Variants in DPP10 observed in about 807,000 individuals in gnomAD.
DPP10 encodes inactive dipeptidyl peptidase 10.
In DPP10, 33 loss-of-function variants were observed where a neutral mutation model predicts 120.9. That is an observed-to-expected ratio of 0.27 (90% CI 0.21 to 0.37). DPP10 has a LOEUF of 0.37. Among genes scored for constraint, DPP10 ranks in the 10% least tolerant of loss-of-function variants. The probability of loss-of-function intolerance (pLI) is 1.00; values close to 1 mark genes in which losing one functional copy is unlikely to be tolerated. For synonymous variants in DPP10, 337 were observed against 326.1 expected, an observed-to-expected ratio of 1.03 and a Z score of -0.36; for missense variants, 816 against 942.8, an observed-to-expected ratio of 0.87 and a Z score of 1.76.
intron 1 of DPP10, among the ~76,000 whole-genome samples, chr2:114,593,116 T>C (rs1361065821): frequency 6.6e-6 from 1 of 152,184 alleles, no homozygotes; most frequent in Non-Finnish European, 1.5e-5. Flanking sequence ...CCCAACTTCA[T>C]TCCCCAAACC....
At chr2:114,463,582 A>T (rs1679106874) in intron 1 of DPP10, among the ~76,000 whole-genome samples, 1 of 152,304 alleles carries the variant, frequency 6.6e-6, no homozygotes, top group African/African-American at 2.4e-5. Flanking sequence ...TATGTTATAT[A>T]CTTAGCATAC....
chr2:115,218,589 G>A (rs2056961720), intron 1 of DPP10, among the ~76,000 whole-genome samples: 1 of 152,076 alleles, frequency 6.6e-6, no homozygotes. Context: ...TTCCATTCCA[G>A]TTCATTGCAT....
At chr2:114,987,915 T>G (rs893324603) in intron 1 of DPP10, among the ~76,000 whole-genome samples, 2 of 151,352 alleles carry the variant, frequency 1.3e-5, no homozygotes, top group Non-Finnish European at 2.9e-5. Context: ...ACCATTCTCC[T>G]GCCTCAGTCT....
intron 3 of DPP10, among the ~76,000 whole-genome samples, chr2:115,400,820 C>T (rs748907136): frequency 6.6e-6 from 1 of 152,160 alleles, no homozygotes; most frequent in South Asian, 2.1e-4. Flanking sequence ...CATCTTCACT[C>T]CCCACGTCAA....
chr2:115,495,545 AT>A (rs2076352008), intron 3 of DPP10, among the ~76,000 whole-genome samples: 1 of 152,096 alleles, frequency 6.6e-6, no homozygotes, highest in South Asian at 2.1e-4. Context: ...TGAGAACTAA[AT>A]TAACAATGGA....
intron 3 of DPP10, among the ~76,000 whole-genome samples, chr2:115,347,671 C>G (rs938924047): frequency 6.6e-6 from 1 of 151,932 alleles, no homozygotes; most frequent in Non-Finnish European, 1.5e-5. Flanking sequence ...TGTGATATTC[C>G]CCTCCCTGTG....
intron 1 of DPP10, among the ~76,000 whole-genome samples, chr2:114,995,900 A>C (rs1458051102): frequency 6.6e-6 from 1 of 152,240 alleles, no homozygotes; most frequent in Admixed American, 6.5e-5. Context: ...ATAAATTTGC[A>C]AGATCGGCAG....
At position 115,791,141 on chromosome 2, in the gene DPP10, G is replaced by A. The variant is rs1387126117; in HGVS notation, c.1592G>A (p.Gly531Glu). The change falls in exon 18 of 26, where the codon GGA becomes GAA. Residue 531 changes from glycine to glutamate, a missense_variant. Around this residue, in one of 3 missense-constraint regions of DPP10, gnomAD observed 592 missense variants for 649.0 expected, o/e 0.91. Coordinates refer to ENST00000410059, the MANE Select transcript of DPP10 (RefSeq NM_020868.6). The part of the protein sequence containing the change: ...LKEAILKKKI[G>E]KPEIKILHID... ...GAAGCTATCCTGAAGAAGAAGATAG[G>A]AAAGCCAGAAATTAAAATCCTTCAT... 1.2e-6 allele frequency: 2 copies of A among 1,613,556 alleles called. No individual in the cohort carries two copies. Among genetic ancestry groups the A allele is most frequent in the East Asian group, 2.2e-5 (1 of 44,754 alleles).
At chr2:115,277,847 A>G (rs571047809) in intron 1 of DPP10, among the ~76,000 whole-genome samples, 2 of 152,212 alleles carry the variant, frequency 1.3e-5, no homozygotes, top group Admixed American at 1.3e-4. Context: ...TTAATAAATT[A>G]TATCCAAGTA....
intron 5 of DPP10, among the ~76,000 whole-genome samples, chr2:115,623,930 G>T (rs898135977): frequency 1.3e-5 from 2 of 151,858 alleles, no homozygotes; most frequent in South Asian, 2.1e-4. Flanking sequence ...ATTCTTAAAA[G>T]ACCCTAGAAA....
At chr2:115,757,530 G>C (rs1679573523) in intron 11 of DPP10, among the ~76,000 whole-genome samples, 1 of 151,940 alleles carries the variant, frequency 6.6e-6, no homozygotes, top group Non-Finnish European at 1.5e-5. Flanking sequence ...AACAGCAAAG[G>C]AAAGATTCGC....
intron 1 of DPP10, among the ~76,000 whole-genome samples, chr2:114,448,744 T>A (rs1411642146): frequency 6.6e-6 from 1 of 152,180 alleles, no homozygotes; most frequent in African/African-American, 2.4e-5. Flanking sequence ...AGAATGATAC[T>A]TAGGGTTATT....
intron 1 of DPP10, among the ~76,000 whole-genome samples, chr2:115,120,170 T>C (rs1192777798): frequency 2.6e-5 from 4 of 152,220 alleles, no homozygotes; most frequent in Non-Finnish European, 4.4e-5. Context: ...TGCTGGGTAT[T>C]TCCTTTGAGA....
At chr2:115,135,744 G>T (rs925145012) in intron 1 of DPP10, among the ~76,000 whole-genome samples, 2 of 152,150 alleles carry the variant, frequency 1.3e-5, no homozygotes, top group Non-Finnish European at 2.9e-5. Flanking sequence ...ATAATTTCTT[G>T]TGAGTCGCTG....
intron 19 of DPP10, among the ~76,000 whole-genome samples, chr2:115,808,288 G>A (rs983089064): frequency 1.3e-5 from 2 of 152,156 alleles, no homozygotes; most frequent in Non-Finnish European, 2.9e-5. Context: ...TGTGCAAATA[G>A]ACTAGAGGTC....
chr2:114,847,523 G>A (rs1376550248), intron 1 of DPP10, among the ~76,000 whole-genome samples: 1 of 152,138 alleles, frequency 6.6e-6, no homozygotes, highest in Non-Finnish European at 1.5e-5. Flanking sequence ...TCTTGTAACA[G>A]TGCCTAACAC....
At chr2:115,134,816 A>G (rs979614680) in intron 1 of DPP10, among the ~76,000 whole-genome samples, 3 of 152,130 alleles carry the variant, frequency 2.0e-5, no homozygotes, top group African/African-American at 7.2e-5. Flanking sequence ...TATTTTAGTA[A>G]TGGAAAATTT....
chr2:115,687,945 C>G lies in DPP10; in HGVS notation c.442-1742C>G, dbSNP rs115513161. 4.9e-3 allele frequency among the ~76,000 whole-genome samples: 752 copies of G among 152,014 alleles called. 4 individuals carry two copies. The highest frequency in any genetic ancestry group is 0.017 in the African/African-American group (710 of 41,488). ...AGGATGAATACCCTCTTTCCCCCCA[C>G]GATATCATGACATATTTGTCTTCTT... On this transcript the variant is annotated intron_variant, in intron 5 of 25. Transcript: ENST00000410059.
At chr2:115,693,683 A>G (rs1028996018) in intron 7 of DPP10, among the ~76,000 whole-genome samples, 2 of 152,102 alleles carry the variant, frequency 1.3e-5, no homozygotes, top group African/African-American at 4.8e-5. Context: ...AATATATTTA[A>G]GAAAATTATG....
Sources: gnomAD v4.1 joint callset for allele counts (sites outside exome capture counted in the v4.1 genomes callset) on GRCh38, gnomAD v4.1.1 for gene constraint, gnomAD v4.1.1 regional missense constraint, MANE v1.5 for transcripts, NCBI Gene and HGNC (gene_info 2026-07-23, HGNC 2026-07-21) for gene names.